The following HHIPL1 variants were observed in gnomAD, a reference collection of about 807,000 sequenced individuals.
HHIPL1 encodes the protein HHIP like 1.
A neutral mutation model predicts 61.8 loss-of-function variants in HHIPL1; 43 were observed. The observed-to-expected ratio is 0.70, with a 90% CI of 0.55 to 0.90. The LOEUF (loss-of-function observed/expected upper bound fraction) is 0.90. HHIPL1 is among the 40% of genes least tolerant of loss of function. HHIPL1 has a pLI of 0.00. For missense variants in HHIPL1, 1,056 were observed against 1,157.7 expected (o/e 0.91, Z 1.28); for synonymous variants, 482 against 515.8 (o/e 0.93, Z 0.89).
the HHIPL1 span, among the ~76,000 whole-genome samples, chr14:99,613,400 A>G: frequency 1.3e-5 from 2 of 151,600 alleles, no homozygotes; most frequent in East Asian, 4.0e-4. Context: ...ATCTCGGCTC[A>G]CCACAGCCTC....
In HHIPL1 at chr14:99,657,013, G is replaced by A. The variant is rs778746674; in HGVS notation, c.916G>A (p.Val306Ile). 4 of 1,610,874 alleles carry A rather than the reference G, an allele frequency of 2.5e-6. No homozygotes were observed. The highest frequency in any genetic ancestry group is 3.4e-6 in the Non-Finnish European group (4 of 1,178,364). The change falls in exon 3 of 9, where the codon GTC (valine) becomes ATC (isoleucine). Residue 306 changes from valine to isoleucine, a missense_variant. Coordinates refer to ENST00000330710, the MANE Select transcript of HHIPL1 (RefSeq NM_001127258.3). ...ATCTTCCTTTAGGATAATCCTGGAGGTCAAAGAACCAGCCTCAAACCACAA... is the reference window on the plus strand; with the variant it reads ...ATCTTCCTTTAGGATAATCCTGGAGATCAAAGAACCAGCCTCAAACCACAA... ...DHSSERIILE[V>I]KEPASNHNGG...
chr14:99,679,989 CCAGCTACCTCGGGTGTGT>C lies in HHIPL1; in HGVS notation c.*4369_*4386del, dbSNP rs1169293999. 3.3e-5 allele frequency: 5 copies of C among 152,348 alleles called. No individual in the cohort carries two copies. The East Asian group carries it at 9.6e-4, about 29-fold the overall frequency. The allele number at this position is 152,348 out of a possible 1,614,324, so 9.4% of individuals were successfully genotyped here. On this transcript the variant is annotated 3_prime_UTR_variant, in exon 9 of 9. Transcript: ENST00000330710. ...GCTTTTACTGAGCAGTTATTACATG[CCAGCTACCTCGGGTGTGT>C]CAGCTCATTTAATCTTGACAACAGC...
At chr14:99,659,909 C>A (rs1281416701) in intron 4 of HHIPL1, among the ~76,000 whole-genome samples, 153 bp downstream of exon 4, 2 of 143,438 alleles carry the variant, frequency 1.4e-5, no homozygotes, top group Non-Finnish European at 3.0e-5. Flanking sequence ...ATGGGCTGTG[C>A]GGCAGGGCCT....
chr14:99,655,450 C>T lies in HHIPL1; in HGVS notation c.903-1550C>T, dbSNP rs556877638. Among the ~76,000 whole-genome samples, 13 of 152,100 alleles carry T rather than the reference C, an allele frequency of 8.5e-5. No individual in the cohort carries two copies. In the South Asian group the frequency reaches 2.7e-3, roughly 32 times the overall value. On this transcript the variant is annotated intron_variant, in intron 2 of 8. Coordinates refer to ENST00000330710, the MANE Select transcript of HHIPL1 (RefSeq NM_001127258.3). ...CAGCCTGGGCCACACACTGAGAGCC[C>T]TCATCTCTACAAAAAATTAAAAAAT...
At chr14:99,647,049 A>G (rs1403608398) in intron 1 of HHIPL1, among the ~76,000 whole-genome samples, 2 of 152,114 alleles carry the variant, frequency 1.3e-5, no homozygotes, top group African/African-American at 4.8e-5. Context: ...GCCCGAATCA[A>G]GGAAGACTCA....
Position 99,645,261 on chromosome 14 carries a change from C to T in HHIPL1, c.54C>T (p.Ala18=). ...TGGCGCTTTGGGTGCTCGGGGCCGC[C>T]GCGCATCCGCAGTGCCTGGACTTCA... is the stretch of plus-strand genomic sequence containing the variant. ...ALLALWVLGA[A]AHPQCLDFRP... is the part of the protein sequence containing the mutation. Residue 18 remains alanine (A), a synonymous_variant, in exon 1 of 9, where the codon GCC becomes GCT. Coordinates refer to ENST00000330710, the MANE Select transcript of HHIPL1 (RefSeq NM_001127258.3). 6 of 1,400,994 alleles carry T rather than the reference C, an allele frequency of 4.3e-6. No homozygotes were observed. Among genetic ancestry groups the T allele is most frequent in the Non-Finnish European group, 5.5e-6 (6 of 1,081,184 alleles). 86.8% of individuals were successfully genotyped at this position (1,400,994 alleles called of 1,614,324 possible). A position where few individuals can be genotyped will look rare whatever the true frequency, so the allele number is the denominator to read the frequency against.
chr14:99,660,337 G>T lies in HHIPL1; in HGVS notation c.1433G>T (p.Gly478Val), dbSNP rs528199349. 1 of 1,614,014 alleles carries T rather than the reference G, an allele frequency of 6.2e-7. No homozygotes were observed. Among genetic ancestry groups the T allele is most frequent in the Non-Finnish European group, 8.5e-7 (1 of 1,180,012 alleles). Reference sequence around the variant, plus strand: ...ACGGTTGGCAAGTCGGTCACAGGGGGCTACGTGTACCGGGGCTGCGAGTAC... The same window carrying T: ...ACGGTTGGCAAGTCGGTCACAGGGGTCTACGTGTACCGGGGCTGCGAGTAC... ...PHTVGKSVTG[G>V]YVYRGCEYPN... Residue 478 changes from glycine (G) to valine (V), a missense_variant, in exon 5 of 9, where the codon GGC becomes GTC. Physicochemically the swap from Gly to Val is moderately radical, Grantham distance 109 (BLOSUM62 -3). Coordinates refer to ENST00000330710, the MANE Select transcript of HHIPL1 (RefSeq NM_001127258.3). This position sits in a 1 kb window ranked among gnomAD's most constrained non-coding sequence, Gnocchi z 4.9.
At chr14:99,618,911 G>A in the HHIPL1 span, among the ~76,000 whole-genome samples, 10 of 152,342 alleles carry the variant, frequency 6.6e-5, no homozygotes, top group Admixed American at 1.3e-4. Context: ...GGGCCTGGCC[G>A]GGCAGGAGGA....
chr14:99,620,714 C>T, the HHIPL1 span, among the ~76,000 whole-genome samples: 2 of 152,332 alleles, frequency 1.3e-5, no homozygotes, highest in Non-Finnish European at 2.9e-5. Context: ...GTCTTGGCTT[C>T]CCAGGGCTCT....
At chr14:99,621,505 CA>C in the HHIPL1 span, among the ~76,000 whole-genome samples, 2 of 152,200 alleles carry the variant, frequency 1.3e-5, no homozygotes, top group Admixed American at 1.3e-4. Flanking sequence ...TGTGAGTGGG[CA>C]CAGGAGCCTC....
chr14:99,632,241 A>G, the HHIPL1 span, among the ~76,000 whole-genome samples: 1 of 152,176 alleles, frequency 6.6e-6, no homozygotes, highest in East Asian at 1.9e-4. Flanking sequence ...GCATTGGGGT[A>G]GATCTTAAAC....
intron 2 of HHIPL1, among the ~76,000 whole-genome samples, chr14:99,655,708 G>T (rs1017480040): frequency 1.3e-5 from 2 of 152,198 alleles, no homozygotes; most frequent in African/African-American, 4.8e-5. Flanking sequence ...TTCAGTCAGA[G>T]GAAACTGAAC....
At chr14:99,653,454 T>G (rs1181050644) in intron 2 of HHIPL1, among the ~76,000 whole-genome samples, 1 of 152,206 alleles carries the variant, frequency 6.6e-6, no homozygotes, top group Non-Finnish European at 1.5e-5. Flanking sequence ...TGCCTCAGCC[T>G]CCTGAGTAAC....
intron 2 of HHIPL1, among the ~76,000 whole-genome samples, chr14:99,654,934 T>C (rs2056003417): frequency 6.6e-6 from 1 of 152,066 alleles, no homozygotes. Context: ...AGACTTGAGG[T>C]GGAACACAAA....
At chr14:99,630,014 A>G in the HHIPL1 span, among the ~76,000 whole-genome samples, 189 of 152,290 alleles carry the variant, frequency 1.2e-3, 6 homozygotes, top group Middle Eastern at 0.017. Context: ...TAAGTGGCCA[A>G]TTCCCAGTGT....
At position 99,660,628 on chromosome 14, in the gene HHIPL1, C is replaced by A. The variant is rs983756898; in HGVS notation, c.1502+222C>A. 6.6e-6 allele frequency among the ~76,000 whole-genome samples: 1 copy of A among 152,226 alleles called. No homozygotes were observed. The highest frequency in any genetic ancestry group is 6.5e-5 in the Admixed American group (1 of 15,290). ...GGCCTCAGTACCTCTATGATAGACA[C>A]ACAACTCATGGCATTAAAGACTGGA... On this transcript the variant is annotated intron_variant, in intron 5 of 8. Transcript: ENST00000330710. This position sits in a 1 kb window ranked among gnomAD's most constrained non-coding sequence, Gnocchi z 4.9.
chr14:99,639,429 C>T, the HHIPL1 span, among the ~76,000 whole-genome samples: 1 of 152,036 alleles, frequency 6.6e-6, no homozygotes, highest in African/African-American at 2.4e-5. Flanking sequence ...ACTGCAGCGT[C>T]GACCTCCTGG....
At chr14:99,666,279 G>C (rs1324304029) in intron 6 of HHIPL1, among the ~76,000 whole-genome samples, 1 of 152,208 alleles carries the variant, frequency 6.6e-6, no homozygotes, top group East Asian at 1.9e-4. Context: ...GAAGGTCAGA[G>C]AAAAACTTTT....
intron 1 of HHIPL1, among the ~76,000 whole-genome samples, chr14:99,647,771 G>T (rs543296584): frequency 6.6e-6 from 1 of 152,284 alleles, no homozygotes; most frequent in Non-Finnish European, 1.5e-5. Context: ...TTATTCATAG[G>T]TCTCTGTCAG....
Sources: allele counts gnomAD v4.1 joint callset (sites outside exome capture counted in the v4.1 genomes callset), GRCh38; gene constraint gnomAD v4.1.1; non-coding constraint Gnocchi (gnomAD v3.1); transcripts MANE v1.5; gene names NCBI Gene and HGNC (gene_info 2026-07-23, HGNC 2026-07-21).